HMGXB3: variants seen among roughly 807,000 people sequenced by gnomAD.
HMGXB3 encodes the protein HMG domain-containing protein 3.
HMGXB3 carries 45 observed loss-of-function variants against 121.5 expected under a neutral mutation model. The observed-to-expected ratio is 0.37, with a 90% CI of 0.29 to 0.47. HMGXB3 has a LOEUF of 0.47. HMGXB3 is among the 20% of genes least tolerant of loss of function. The probability of loss-of-function intolerance (pLI) is 0.99; values close to 1 mark genes in which losing one functional copy is unlikely to be tolerated. For synonymous variants in HMGXB3, 590 were observed against 624.1 expected (o/e 0.95, Z 0.81); for missense variants, 1,376 against 1,602.2 (o/e 0.86, Z 2.41).
In HMGXB3 at chr5:150,045,528, G is replaced by A; in HGVS notation, c.2793G>A (p.Met931Ile). 1 of 1,552,316 alleles carries A rather than the reference G, an allele frequency of 6.4e-7. No homozygotes were observed. The highest frequency in any genetic ancestry group is 8.7e-7 in the Non-Finnish European group (1 of 1,147,130). Residue 931 changes from methionine to isoleucine, a missense_variant, in exon 16 of 20, where the codon ATG becomes ATA. Physicochemically the swap from Met to Ile is conservative, Grantham distance 10. Coordinates refer to ENST00000502717, the MANE Select transcript of HMGXB3 (RefSeq NM_014983.3). The part of the protein sequence containing the change: ...EVNVEDFWAT[M>I]ETEVIEQVAF... ...ATGTGGAGGACTTTTGGGCCACGAT[G>A]GAGACAGAGGTGATTGAGCAGGTGG...
chr5:150,001,914 C>G (rs1214306123), intron 1 of HMGXB3, among the ~76,000 whole-genome samples: 3 of 152,176 alleles, frequency 2.0e-5, no homozygotes, highest in South Asian at 4.1e-4. Context: ...TTCAGCCGCC[C>G]AGAAGTCAAT....
rs1756619657 is a variant in HMGXB3 at position 150,040,999 on chromosome 5, C to T, written c.2545+120C>T. The T allele has an allele frequency of 8.3e-6, 8 of 968,070 alleles. No homozygotes were observed. In the East Asian group the frequency reaches 2.3e-4, roughly 28 times the overall value. 60.0% of individuals were successfully genotyped at this position (968,070 alleles called of 1,614,324 possible). On this transcript the variant is annotated intron_variant, in intron 14 of 19. Coordinates refer to ENST00000502717, the MANE Select transcript of HMGXB3 (RefSeq NM_014983.3). ...GAGTCTGATTATTTTGAAAAGGAGA[C>T]ATTCTTGACTTCCTAATACACTCTT...
chr5:150,023,336 G>A (rs1756146273), intron 6 of HMGXB3, among the ~76,000 whole-genome samples: 1 of 152,098 alleles, frequency 6.6e-6, no homozygotes, highest in Non-Finnish European at 1.5e-5. Flanking sequence ...CAAATACTGA[G>A]AGCCCAACCC....
chr5:150,006,255 T>C (rs1755699070), intron 2 of HMGXB3, among the ~76,000 whole-genome samples: 2 of 152,216 alleles, frequency 1.3e-5, no homozygotes, highest in African/African-American at 4.8e-5. Context: ...GAGGATGTTA[T>C]TTAAATGTTT....
chr5:150,044,128 A>T (rs1032949018), intron 15 of HMGXB3, among the ~76,000 whole-genome samples: 2 of 152,140 alleles, frequency 1.3e-5, no homozygotes, highest in African/African-American at 2.4e-5. Context: ...TACTTCTTTC[A>T]TAGAGGTACT....
chr5:150,024,310 A>G lies in HMGXB3; in HGVS notation c.1090A>G (p.Lys364Glu). 1 of 1,550,654 alleles carries G rather than the reference A, an allele frequency of 6.4e-7. No homozygotes were observed. Among genetic ancestry groups the G allele is most frequent in the Non-Finnish European group, 8.7e-7 (1 of 1,146,718 alleles). Residue 364 changes from lysine to glutamate, a missense_variant, in exon 7 of 20, where the codon AAA (lysine) becomes GAA (glutamate). Lys to Glu is a moderately conservative substitution (Grantham distance 56). Transcript: ENST00000502717. ...KVELASGVSS[K>E]GSVVKRNQQP... ...GGAATTGGCTTCTGGCGTCTCTTCCAAAGGCTCTGTGGTGAAAAGAAATCA... is the reference window on the plus strand; with the variant it reads ...GGAATTGGCTTCTGGCGTCTCTTCCGAAGGCTCTGTGGTGAAAAGAAATCA...
At chr5:150,043,831 G>A (rs1186591287) in intron 15 of HMGXB3, among the ~76,000 whole-genome samples, 1 of 152,246 alleles carries the variant, frequency 6.6e-6, no homozygotes, top group African/African-American at 2.4e-5. Context: ...GTGGGGCTGA[G>A]ATTGACCTTG....
At chr5:150,020,951 C>T (rs1327557581) in intron 6 of HMGXB3, among the ~76,000 whole-genome samples, 1 of 151,978 alleles carries the variant, frequency 6.6e-6, no homozygotes, top group Non-Finnish European at 1.5e-5. Context: ...CCATGTTGGC[C>T]AGGCTGGTGT....
At chr5:150,020,841 G>GTGATCCTTA (rs1385105514) in intron 6 of HMGXB3, among the ~76,000 whole-genome samples, 5 of 150,580 alleles carry the variant, frequency 3.3e-5, no homozygotes, top group Non-Finnish European at 7.4e-5. Context: ...CCTGGTTCAA[G>GTGATCCTTA]TGATCCTTAT....
At chr5:150,050,570 C>G (rs939707443) in intron 19 of HMGXB3, 109 bp downstream of exon 19, 1 of 815,808 alleles carries the variant, frequency 1.2e-6, no homozygotes, top group Admixed American at 2.3e-5. Flanking sequence ...CAACCTCTGC[C>G]TCCCAGGTTC....
intron 6 of HMGXB3, among the ~76,000 whole-genome samples, chr5:150,018,901 A>G (rs1471660431): frequency 6.6e-6 from 1 of 152,258 alleles, no homozygotes; most frequent in Non-Finnish European, 1.5e-5. Flanking sequence ...ATACCATCCA[A>G]AGAAAAGCCA....
At chr5:150,005,038 C>T in intron 2 of HMGXB3, 49 bp downstream of exon 2, 1 of 1,520,408 alleles carries the variant, frequency 6.6e-7, no homozygotes, top group Non-Finnish European at 8.8e-7. Flanking sequence ...ACAGAAGTTG[C>T]TTGGAGAGCT....
At chr5:150,013,096 A>T (rs1426165390) in intron 5 of HMGXB3, among the ~76,000 whole-genome samples, 1 of 152,064 alleles carries the variant, frequency 6.6e-6, no homozygotes, top group Non-Finnish European at 1.5e-5. Flanking sequence ...TTGCCTTATG[A>T]TATTGTCTAG....
rs1756015215 is a variant in HMGXB3, at chr5:150,018,706, C to T, written c.1041+9C>T. The T allele has an allele frequency of 1.3e-6, 2 of 1,546,406 alleles. No homozygotes were observed. The highest frequency in any genetic ancestry group is 1.7e-6 in the Non-Finnish European group (2 of 1,144,610). Reference sequence around the variant, plus strand: ...GGAAGTGGATCCCAAAGGTAAGGTCCATTGGCTGTTGCTGCTTTGGAAGCC... The same window carrying T: ...GGAAGTGGATCCCAAAGGTAAGGTCTATTGGCTGTTGCTGCTTTGGAAGCC... On this transcript the variant is annotated intron_variant, in intron 6 of 19. Transcript: ENST00000502717.
At chr5:150,045,427 G>T in intron 15 of HMGXB3, 39 bp from the exon 16 acceptor site, 1 of 1,477,822 alleles carries the variant, frequency 6.8e-7, no homozygotes, top group South Asian at 1.2e-5. Flanking sequence ...GATGTTCTGT[G>T]ACTCCCACAG....
intron 3 of HMGXB3, among the ~76,000 whole-genome samples, chr5:150,008,911 C>T (rs1437954492): frequency 6.6e-6 from 1 of 152,192 alleles, no homozygotes; most frequent in Admixed American, 6.5e-5. Context: ...CTGAGTGCTG[C>T]TTTTAACTTT....
chr5:150,028,559 A>ATATAT (rs1375655538), intron 9 of HMGXB3, among the ~76,000 whole-genome samples: 459 of 38,868 alleles, frequency 0.012, 11 homozygotes, highest in Middle Eastern at 0.033. Context: ...ATATATATAT[A>ATATAT]TTTTTTTTTT....
intron 14 of HMGXB3, 47 bp from the exon 15 acceptor site, chr5:150,041,738 C>A: frequency 6.9e-7 from 1 of 1,448,082 alleles, no homozygotes; most frequent in South Asian, 1.2e-5. Flanking sequence ...CTAGTGGCTT[C>A]AGTGTCTTTT....
intron 6 of HMGXB3, among the ~76,000 whole-genome samples, chr5:150,019,107 C>G (rs1356436751): frequency 6.6e-6 from 1 of 151,832 alleles, no homozygotes; most frequent in Non-Finnish European, 1.5e-5. Flanking sequence ...ACTGTTTTCC[C>G]TTTTATTTTT....
Sources: allele counts gnomAD v4.1 joint callset (sites outside exome capture counted in the v4.1 genomes callset), GRCh38; gene constraint gnomAD v4.1.1; transcripts MANE v1.5; gene names NCBI Gene and HGNC (gene_info 2026-07-23, HGNC 2026-07-21).